CTDSPL2: variants seen among roughly 807,000 people sequenced by gnomAD.
CTDSPL2 encodes CTD small phosphatase like 2, also known as CTD small phosphatase-like protein 2.
CTDSPL2 carries 5 observed loss-of-function variants against 60.0 expected under a neutral mutation model. The observed-to-expected ratio is 0.08, with a 90% CI of 0.04 to 0.18. The LOEUF is 0.18. CTDSPL2 is among the 10% of genes least tolerant of loss of function. CTDSPL2 has a pLI of 1.00. For synonymous variants in CTDSPL2, 186 were observed against 189.3 expected, an observed-to-expected ratio of 0.98 and a Z score of 0.14; for missense variants, 370 against 548.8, an observed-to-expected ratio of 0.67 and a Z score of 3.26.
At chr15:44,523,834 A>G (rs1416488676) in intron 12 of CTDSPL2, among the ~76,000 whole-genome samples, 1 of 152,076 alleles carries the variant, frequency 6.6e-6, no homozygotes, top group African/African-American at 2.4e-5. Flanking sequence ...AGGAGGCAGA[A>G]GTTGCAGTGA....
chr15:44,504,904 G>T (rs913117362), intron 8 of CTDSPL2, among the ~76,000 whole-genome samples: 1 of 152,070 alleles, frequency 6.6e-6, no homozygotes, highest in African/African-American at 2.4e-5. Context: ...AATTGTAGAT[G>T]AATATTAAAA....
intron 1 of CTDSPL2, among the ~76,000 whole-genome samples, chr15:44,445,327 A>G (rs139432403): frequency 6.6e-6 from 1 of 152,050 alleles, no homozygotes; most frequent in East Asian, 1.9e-4. Context: ...AGTTGGGACT[A>G]TAGGCATGCA....
rs1246216843 is a variant in CTDSPL2 at position 44,528,969 on chromosome 15, A to G, written c.*4795A>G. On this transcript the variant is annotated 3_prime_UTR_variant, in exon 13 of 13. Coordinates refer to ENST00000260327, the MANE Select transcript of CTDSPL2 (RefSeq NM_016396.3). ...CAAGTAATGTAGATTTAGTTTTCTCATCTTCAAATGCCCTGATCACCCTAC... is the reference window on the plus strand; with the variant it reads ...CAAGTAATGTAGATTTAGTTTTCTCGTCTTCAAATGCCCTGATCACCCTAC... 2.6e-5 allele frequency: 4 copies of G among 152,206 alleles called. No individual in the cohort carries two copies. Among genetic ancestry groups the G allele is most frequent in the Non-Finnish European group, 5.9e-5 (4 of 68,026 alleles). The allele number at this position is 152,206 out of a possible 1,614,324, so 9.4% of individuals were successfully genotyped here.
rs555363270 is a variant in CTDSPL2, at chr15:44,429,788, C to T, written c.-25+2016C>T. On this transcript the variant is annotated intron_variant, in intron 1 of 12. Coordinates refer to ENST00000260327, the MANE Select transcript of CTDSPL2 (RefSeq NM_016396.3). ...GGCTGAGACAGGAGAATCGCTTGAA[C>T]CCAGGAGGCGGAGGCTGCAGTGAGC... is the stretch of plus-strand genomic sequence containing the variant. 2.0e-5 allele frequency among the ~76,000 whole-genome samples: 3 copies of T among 152,312 alleles called. No homozygotes were observed. In the South Asian group the frequency reaches 6.2e-4, roughly 32 times the overall value.
At chr15:44,523,195 C>T (rs2081812948) in intron 12 of CTDSPL2, among the ~76,000 whole-genome samples, 1 of 152,092 alleles carries the variant, frequency 6.6e-6, no homozygotes, top group Non-Finnish European at 1.5e-5. Context: ...CTGGGTTTCA[C>T]CACATTGGCC....
At chr15:44,458,866 G>A in intron 1 of CTDSPL2, 125 bp from the exon 2 acceptor site, 1 of 500,730 alleles carries the variant, frequency 2.0e-6, no homozygotes, top group Non-Finnish European at 3.3e-6. Context: ...CAGTCTCCTA[G>A]AGTCTAGGAC....
At chr15:44,469,231 G>C (rs1268338854) in intron 2 of CTDSPL2, among the ~76,000 whole-genome samples, 1 of 152,130 alleles carries the variant, frequency 6.6e-6, no homozygotes, top group Non-Finnish European at 1.5e-5. Flanking sequence ...TGAGCATAAG[G>C]GGGAACTACT....
intron 2 of CTDSPL2, among the ~76,000 whole-genome samples, chr15:44,475,911 G>C (rs538096342): frequency 1.3e-5 from 2 of 152,172 alleles, no homozygotes; most frequent in African/African-American, 4.8e-5. Flanking sequence ...ATTGACAATT[G>C]CATCAAGAGT....
rs201295624 is a variant in CTDSPL2, at chr15:44,430,263, ATTTATT to A, written c.-25+2507_-25+2512del. Among the ~76,000 whole-genome samples, 552 of 152,202 alleles carry A rather than the reference ATTTATT, an allele frequency of 3.6e-3. 22 individuals are homozygous for A. In the East Asian group the frequency reaches 0.086, roughly 24 times the overall value. ...TTTATTGTCAGTTGAGTAAAATGGC[ATTTATT>A]TTTATTTTTATTTTTTAGAGATGGG... On this transcript the variant is annotated intron_variant, in intron 1 of 12. Coordinates refer to ENST00000260327, the MANE Select transcript of CTDSPL2 (RefSeq NM_016396.3).
chr15:44,428,723 A>G (rs1324514111), intron 1 of CTDSPL2, among the ~76,000 whole-genome samples: 1 of 152,218 alleles, frequency 6.6e-6, no homozygotes, highest in Non-Finnish European at 1.5e-5. Context: ...GTGACTTGAA[A>G]TGATGGATTT....
chr15:44,432,756 A>G (rs546705884), intron 1 of CTDSPL2, among the ~76,000 whole-genome samples: 7 of 151,206 alleles, frequency 4.6e-5, no homozygotes, highest in Non-Finnish European at 4.4e-5. Flanking sequence ...AATAGCTGGC[A>G]TTACAGGTGC....
At chr15:44,515,650 C>T (rs1293569136) in intron 10 of CTDSPL2, among the ~76,000 whole-genome samples, 1 of 152,176 alleles carries the variant, frequency 6.6e-6, no homozygotes, top group African/African-American at 2.4e-5. Context: ...TCTGGCTAAT[C>T]ACCTGAGGTC....
intron 1 of CTDSPL2, among the ~76,000 whole-genome samples, chr15:44,456,707 A>G (rs1257701901): frequency 7.9e-5 from 12 of 151,148 alleles, no homozygotes; most frequent in Non-Finnish European, 1.5e-4. Context: ...GGATTCATTG[A>G]TTTTTTTTAA....
chr15:44,486,645 G>A lies in CTDSPL2; in HGVS notation c.420G>A (p.Leu140=). 2 of 1,595,590 alleles carry A rather than the reference G, an allele frequency of 1.3e-6. No individual in the cohort carries two copies. Among genetic ancestry groups the A allele is most frequent in the Non-Finnish European group, 1.7e-6 (2 of 1,173,392 alleles). Residue 140 remains leucine, a synonymous_variant, in exon 4 of 13, where the codon TTG becomes TTA. Transcript: ENST00000260327. ...CTGGCAGTCCTCCAAGGACTACTTT[G>A]TTGGGGACCATATTTTCACCTGTCT... The part of the protein sequence containing the change: ...PSSGSPPRTT[L]LGTIFSPVFN...
intron 8 of CTDSPL2, among the ~76,000 whole-genome samples, chr15:44,509,468 A>G (rs1402167867): frequency 2.0e-5 from 3 of 152,150 alleles, no homozygotes; most frequent in East Asian, 1.9e-4. Flanking sequence ...TGGCCTCTCA[A>G]AGTGCTGGGA....
At chr15:44,508,416 C>T (rs1216515538) in intron 8 of CTDSPL2, among the ~76,000 whole-genome samples, 6 of 151,954 alleles carry the variant, frequency 3.9e-5, no homozygotes, top group African/African-American at 9.7e-5. Flanking sequence ...CTTTATGTTC[C>T]CCAACTTTGT....
At chr15:44,500,363 G>A (rs1276832799) in intron 8 of CTDSPL2, among the ~76,000 whole-genome samples, 2 of 152,054 alleles carry the variant, frequency 1.3e-5, no homozygotes, top group Admixed American at 6.6e-5. Context: ...AGGTAACAGT[G>A]CAAAATACAA....
chr15:44,460,389 T>C (rs1186838288), intron 2 of CTDSPL2, among the ~76,000 whole-genome samples: 3 of 152,352 alleles, frequency 2.0e-5, no homozygotes, highest in Admixed American at 6.5e-5. Flanking sequence ...ATTATAGGCA[T>C]GAGCCACCGC....
chr15:44,514,817 T>A lies in CTDSPL2; in HGVS notation c.1085T>A (p.Ile362Lys). The A allele has an allele frequency of 6.3e-7, 1 of 1,599,940 alleles. No homozygotes were observed. Among genetic ancestry groups the A allele is most frequent in the Non-Finnish European group, 8.5e-7 (1 of 1,171,704 alleles). Residue 362 changes from isoleucine (I) to lysine (K), a missense_variant, in exon 10 of 13, where the codon ATA becomes AAA. Physicochemically the swap from Ile to Lys is moderately radical, Grantham distance 102 (BLOSUM62 -3). Coordinates refer to ENST00000260327, the MANE Select transcript of CTDSPL2 (RefSeq NM_016396.3). ...KKVYADKLLN[I>K]LDPKKQLVRH... is the part of the protein sequence containing the mutation. ...GTGTATGCAGACAAGTTACTGAACA[T>A]ACTAGACCCTAAAAAGCAACTGGTC...
Sources: allele counts gnomAD v4.1 joint callset (sites outside exome capture counted in the v4.1 genomes callset), GRCh38; gene constraint gnomAD v4.1.1; transcripts MANE v1.5; gene names NCBI Gene and HGNC (gene_info 2026-07-23, HGNC 2026-07-21).